Variants in GAS7 observed in about 807,000 individuals in gnomAD.
The protein encoded by GAS7 is growth arrest-specific protein 7.
GAS7 carries 28 observed loss-of-function variants against 71.1 expected under a neutral mutation model. The ratio of observed to expected loss-of-function variants is 0.39; its 90% CI spans 0.29 to 0.54. The LOEUF (loss-of-function observed/expected upper bound fraction) is 0.54, where lower values mean the gene tolerates loss of function less well. Among genes scored for constraint, GAS7 ranks in the 20% least tolerant of loss-of-function variants. The pLI is 0.62. For synonymous variants in GAS7, 258 were observed against 245.8 expected (o/e 1.05, Z -0.46); for missense variants, 436 against 627.8 (o/e 0.69, Z 3.27).
intron 1 of GAS7, among the ~76,000 whole-genome samples, chr17:10,038,446 T>C (rs1260624762): frequency 6.6e-6 from 1 of 152,202 alleles, no homozygotes; most frequent in Non-Finnish European, 1.5e-5. Flanking sequence ...CTGGTGGGAA[T>C]GTAAAATAGT....
At chr17:10,095,033 A>C (rs1345163661) in intron 1 of GAS7, among the ~76,000 whole-genome samples, 1 of 152,054 alleles carries the variant, frequency 6.6e-6, no homozygotes. Context: ...GCCTTTAACA[A>C]AAAGGGCTCT....
intron 1 of GAS7, among the ~76,000 whole-genome samples, chr17:10,125,740 G>A (rs541519097): frequency 6.6e-6 from 1 of 152,036 alleles, no homozygotes; most frequent in South Asian, 2.1e-4. Flanking sequence ...GCCACTGGGG[G>A]AATTAGACTA....
chr17:10,115,928 A>G (rs1019668137), intron 1 of GAS7, among the ~76,000 whole-genome samples: 2 of 152,180 alleles, frequency 1.3e-5, no homozygotes, highest in Non-Finnish European at 2.9e-5. Flanking sequence ...CAAACAGATC[A>G]TCCAACCAGG....
intron 11 of GAS7, 88 bp downstream of exon 11, chr17:9,925,388 T>G (rs965570852): frequency 1.5e-5 from 21 of 1,362,988 alleles, no homozygotes; most frequent in Non-Finnish European, 2.2e-5. Context: ...AAAGGAGAGA[T>G]GCACCCTCGC....
intron 1 of GAS7, among the ~76,000 whole-genome samples, chr17:10,161,539 T>C (rs1016020280): frequency 2.7e-4 from 41 of 152,330 alleles, no homozygotes; most frequent in African/African-American, 9.6e-4. Flanking sequence ...GATTTTACCA[T>C]GTCAACGGGA....
chr17:10,031,303 T>C (rs1165183449), intron 1 of GAS7, among the ~76,000 whole-genome samples: 1 of 152,010 alleles, frequency 6.6e-6, no homozygotes, highest in Non-Finnish European at 1.5e-5. Context: ...AGAAATGGAG[T>C]GATCTGGTTA....
intron 3 of GAS7, among the ~76,000 whole-genome samples, chr17:9,979,313 G>C (rs941432767): frequency 1.3e-5 from 2 of 152,238 alleles, no homozygotes; most frequent in East Asian, 3.9e-4. Flanking sequence ...AGGGGGACAG[G>C]AGTTGTCAAC....
At chr17:10,016,779 A>AC (rs1426133110) in intron 2 of GAS7, among the ~76,000 whole-genome samples, 1 of 147,080 alleles carries the variant, frequency 6.8e-6, no homozygotes, top group African/African-American at 2.5e-5. Context: ...TAATAATAAT[A>AC]ATAATAATAA....
chr17:10,153,952 C>A (rs937228035), intron 1 of GAS7, among the ~76,000 whole-genome samples: 1 of 152,120 alleles, frequency 6.6e-6, no homozygotes, highest in Non-Finnish European at 1.5e-5. Flanking sequence ...GTGGTATGCA[C>A]CTGTAGTCCC....
rs182449329 is a variant in GAS7, at chr17:10,166,371, C to T, written c.183+31837G>A. The stretch of plus-strand genomic sequence containing the variant: ...AGGGGATGGGGGCCCCAAGGGACCT[C>T]CTTCAACTCACTCCCAAGGAGAACT... On this transcript the variant is annotated intron_variant, in intron 1 of 13. Coordinates refer to ENST00000432992, the MANE Select transcript of GAS7 (RefSeq NM_201433.2). Among the ~76,000 whole-genome samples, 11 of 152,308 alleles carry T rather than the reference C, an allele frequency of 7.2e-5. No homozygotes were observed. The East Asian group carries it at 1.4e-3, about 19-fold the overall frequency.
chr17:10,054,546 C>G (rs1330965979), intron 1 of GAS7, among the ~76,000 whole-genome samples: 1 of 152,172 alleles, frequency 6.6e-6, no homozygotes, highest in Non-Finnish European at 1.5e-5. Flanking sequence ...CCACTAAAAA[C>G]CCCCCATGAT....
rs540297455 is a variant in GAS7, at chr17:10,155,592, G to A, written c.183+42616C>T. Among the ~76,000 whole-genome samples the A allele has an allele frequency of 2.0e-5, 3 of 152,170 alleles. No homozygotes were observed. The South Asian group carries it at 6.2e-4, about 32-fold the overall frequency. The stretch of plus-strand genomic sequence containing the variant: ...GGCTCATTTCCCACCGCTATGTCAG[G>A]GATCAATTTAGACCATGGCCTCCCT... On this transcript the variant is annotated intron_variant, in intron 1 of 13. Transcript: ENST00000432992.
In GAS7 at chr17:10,019,778, A is replaced by C. The variant is rs2072188543; in HGVS notation, c.303T>G (p.Asn101Lys). 2 of 1,613,528 alleles carry C rather than the reference A, an allele frequency of 1.2e-6. No individual in the cohort carries two copies. Among genetic ancestry groups the C allele is most frequent in the Non-Finnish European group, 1.7e-6 (2 of 1,179,750 alleles). The change falls in exon 2 of 14, where the codon AAT becomes AAG. Residue 101 changes from asparagine to lysine, a missense_variant and splice_region_variant. Coordinates refer to ENST00000432992, the MANE Select transcript of GAS7 (RefSeq NM_201433.2). ...GRRYYVNTTT[N>K]ETTWERPSSS... ...GATTCTCCCCCGAGCGGGACTCACC[A>C]TTGGTGGTCGTGTTGACATAGTACC...
intron 1 of GAS7, among the ~76,000 whole-genome samples, chr17:10,027,858 C>G (rs2072507490): frequency 6.6e-6 from 1 of 152,182 alleles, no homozygotes; most frequent in Non-Finnish European, 1.5e-5. Context: ...CACCGCCCCT[C>G]CATCTCTCCA....
At chr17:9,979,600 A>G (rs1182448244) in intron 3 of GAS7, among the ~76,000 whole-genome samples, 1 of 152,186 alleles carries the variant, frequency 6.6e-6, no homozygotes, top group East Asian at 1.9e-4. Context: ...GGAGGGTCCC[A>G]GGAGAGCAGG....
intron 2 of GAS7, among the ~76,000 whole-genome samples, chr17:10,019,063 G>A (rs2072156646): frequency 6.6e-6 from 1 of 152,134 alleles, no homozygotes; most frequent in Non-Finnish European, 1.5e-5. Context: ...CCTTGTTACA[G>A]AACCTGCCAC....
At chr17:10,043,331 G>T (rs1401346910) in intron 1 of GAS7, among the ~76,000 whole-genome samples, 1 of 152,156 alleles carries the variant, frequency 6.6e-6, no homozygotes, top group Non-Finnish European at 1.5e-5. Context: ...TGAACGATGT[G>T]AGTTCTGAGA....
chr17:9,998,211 G>A (rs2071122173), intron 2 of GAS7, among the ~76,000 whole-genome samples: 1 of 152,196 alleles, frequency 6.6e-6, no homozygotes, highest in African/African-American at 2.4e-5. Flanking sequence ...CTAACATTCT[G>A]GAGATTCCAA....
chr17:10,067,456 G>T (rs956947246), intron 1 of GAS7, among the ~76,000 whole-genome samples: 1 of 151,820 alleles, frequency 6.6e-6, no homozygotes, highest in Non-Finnish European at 1.5e-5. Flanking sequence ...TGTTGGCCAG[G>T]CTGGTCTCGA....
Sources: gnomAD v4.1 joint callset for allele counts (sites outside exome capture counted in the v4.1 genomes callset) on GRCh38, gnomAD v4.1.1 for gene constraint, MANE v1.5 for transcripts, NCBI Gene and HGNC (gene_info 2026-07-23, HGNC 2026-07-21) for gene names.